Variants in MAPK9 observed in about 807,000 individuals in gnomAD.
MAPK9 encodes mitogen-activated protein kinase 9.
MAPK9 carries 30 observed loss-of-function variants against 57.1 expected under a neutral mutation model. That is an observed-to-expected ratio of 0.53 (90% CI 0.39 to 0.71). The LOEUF is 0.71. Among genes scored for constraint, MAPK9 ranks in the 30% least tolerant of loss-of-function variants. The pLI is 0.00. For synonymous variants in MAPK9, 155 were observed against 177.0 expected (o/e 0.88, Z 0.99); for missense variants, 362 against 521.0 (o/e 0.69, Z 2.97).
chr5:180,269,242 A>G, intron 3 of MAPK9, 38 bp downstream of exon 3: 1 of 1,595,306 alleles, frequency 6.3e-7, no homozygotes, highest in Non-Finnish European at 8.6e-7. Context: ...ATTATTGACA[A>G]TATGGAAGCA....
intron 4 of MAPK9, 103 bp downstream of exon 4, chr5:180,264,678 T>G (rs186152449): frequency 4.9e-4 from 541 of 1,106,236 alleles, no homozygotes; most frequent in Non-Finnish European, 6.0e-4. Context: ...TGTCACAAAA[T>G]GTATTGCCAC....
intron 2 of MAPK9, among the ~76,000 whole-genome samples, chr5:180,278,038 C>A (rs1761980244): frequency 6.6e-6 from 1 of 152,170 alleles, no homozygotes; most frequent in African/African-American, 2.4e-5. Context: ...GAGATAAATA[C>A]AATTAAATGA....
chr5:180,261,889 G>T, intron 4 of MAPK9, 67 bp from the exon 5 acceptor site: 1 of 1,380,800 alleles, frequency 7.2e-7, no homozygotes. Context: ...TAAATTTCAT[G>T]AAACTGTAAC....
chr5:180,279,712 A>G (rs2127620704), intron 2 of MAPK9: 1 of 378,644 alleles, frequency 2.6e-6, no homozygotes, highest in East Asian at 7.4e-5. Flanking sequence ...AAAGAAAAAA[A>G]AAAGTTCTGC....
chr5:180,276,130 C>T lies in MAPK9; in HGVS notation c.122+4310G>A, dbSNP rs1028220340. Among the ~76,000 whole-genome samples, 3 of 152,188 alleles carry T rather than the reference C, an allele frequency of 2.0e-5. 1 individual carries two copies. The East Asian group carries it at 5.8e-4, about 29-fold the overall frequency. The stretch of plus-strand genomic sequence containing the variant: ...CTTCTGAATCACAGCCATCCTGTGC[C>T]TCAAACCATGTCTCCTTTATCACAG... On this transcript the variant is annotated intron_variant, in intron 2 of 11. Coordinates refer to ENST00000452135, the MANE Select transcript of MAPK9 (RefSeq NM_002752.5).
intron 8 of MAPK9, 62 bp downstream of exon 8, chr5:180,242,511 G>A (rs1387602893): frequency 1.4e-6 from 2 of 1,451,852 alleles, no homozygotes; most frequent in Admixed American, 3.9e-5. Flanking sequence ...ATACAAACAT[G>A]AAAGAGTGAA....
intron 2 of MAPK9, among the ~76,000 whole-genome samples, chr5:180,276,386 C>G (rs1174014863): frequency 6.6e-6 from 1 of 152,100 alleles, no homozygotes; most frequent in Admixed American, 6.5e-5. Flanking sequence ...TTTCGTAAAG[C>G]AAATAATCTT....
chr5:180,254,890 T>A (rs35615294), intron 5 of MAPK9, among the ~76,000 whole-genome samples: 2 of 152,118 alleles, frequency 1.3e-5, no homozygotes, highest in African/African-American at 4.8e-5. Flanking sequence ...AAAAATTAGC[T>A]GGGCGTGGTG....
At chr5:180,256,890 A>C (rs890527575) in intron 5 of MAPK9, among the ~76,000 whole-genome samples, 5 of 152,206 alleles carry the variant, frequency 3.3e-5, no homozygotes, top group African/African-American at 1.2e-4. Flanking sequence ...AAGACTAATA[A>C]TCTGGGAAAT....
chr5:180,251,343 A>G (rs950564700), intron 5 of MAPK9, among the ~76,000 whole-genome samples: 4 of 152,236 alleles, frequency 2.6e-5, no homozygotes, highest in African/African-American at 9.6e-5. Flanking sequence ...GGACAGACGC[A>G]GCAGTGGAAC....
chr5:180,291,045 G>A (rs1281924695), intron 1 of MAPK9, among the ~76,000 whole-genome samples: 2 of 152,196 alleles, frequency 1.3e-5, no homozygotes, highest in East Asian at 3.9e-4. Flanking sequence ...CACCCAAAAC[G>A]AGACATCTGA....
intron 5 of MAPK9, among the ~76,000 whole-genome samples, chr5:180,253,210 C>G (rs2127587717): frequency 6.6e-6 from 1 of 152,332 alleles, no homozygotes; most frequent in South Asian, 2.1e-4. Context: ...TGGACCAGGC[C>G]TCTGAGGGGC....
intron 3 of MAPK9, among the ~76,000 whole-genome samples, chr5:180,266,600 G>A (rs1345713264): frequency 6.6e-6 from 1 of 151,802 alleles, no homozygotes; most frequent in Admixed American, 6.6e-5. Context: ...TTACAGGTGT[G>A]AGCCACAGCG....
rs1757015960 is a variant in MAPK9 at position 180,234,124 on chromosome 5, C to T, written c.*2260G>A. The T allele has an allele frequency of 6.6e-6, 1 of 152,158 alleles. No homozygotes were observed. The highest frequency in any genetic ancestry group is 2.4e-5 in the African/African-American group (1 of 41,432). The allele number at this position is 152,158 out of a possible 1,614,324, so 9.4% of individuals were successfully genotyped here. A position where few individuals can be genotyped will look rare whatever the true frequency, so the allele number is the denominator to read the frequency against. On this transcript the variant is annotated 3_prime_UTR_variant, in exon 12 of 12. Transcript: ENST00000452135. ...AAATTCCAGGATAATAGTAAATTAC[C>T]TGGTTTATAAAAATACATGTCCAAA... is the stretch of plus-strand genomic sequence containing the variant.
intron 5 of MAPK9, among the ~76,000 whole-genome samples, chr5:180,256,435 C>T (rs1759291496): frequency 6.6e-6 from 1 of 152,066 alleles, no homozygotes; most frequent in Non-Finnish European, 1.5e-5. Context: ...GAGTTTCCCC[C>T]TTTGCTTTAT....
chr5:180,290,304 C>T (rs992434746), intron 1 of MAPK9, among the ~76,000 whole-genome samples: 5 of 152,216 alleles, frequency 3.3e-5, no homozygotes, highest in Non-Finnish European at 1.5e-5. Context: ...CTCCTTCACA[C>T]CTCTGTGCCT....
intron 2 of MAPK9, chr5:180,280,092 T>C (rs1047722789): frequency 7.2e-5 from 33 of 457,942 alleles, no homozygotes; most frequent in African/African-American, 5.8e-4. Context: ...AAGGTGGCCA[T>C]GATGAAGAAA....
At position 180,259,138 on chromosome 5, in the gene MAPK9, G is replaced by C. The variant is rs144447837; in HGVS notation, c.450+2546C>G. ...AAACCCTTTGACTGTAAGGAATGTG[G>C]TCAAGTCTTTAGACATTTCAGTTCT... is the stretch of plus-strand genomic sequence containing the variant. On this transcript the variant is annotated intron_variant, in intron 5 of 11. Coordinates refer to ENST00000452135, the MANE Select transcript of MAPK9 (RefSeq NM_002752.5). Among the ~76,000 whole-genome samples the C allele has an allele frequency of 2.6e-3, 395 of 152,294 alleles. 3 individuals carry two copies. The highest frequency in any genetic ancestry group is 9.3e-3 in the African/African-American group (385 of 41,550).
intron 1 of MAPK9, among the ~76,000 whole-genome samples, chr5:180,290,351 C>T (rs1196400139): frequency 6.6e-6 from 1 of 152,166 alleles, no homozygotes; most frequent in Non-Finnish European, 1.5e-5. Context: ...CCCTCAAGGC[C>T]CCCCAGCACC....
Sources: allele counts gnomAD v4.1 joint callset (sites outside exome capture counted in the v4.1 genomes callset), GRCh38; gene constraint gnomAD v4.1.1; transcripts MANE v1.5; gene names NCBI Gene and HGNC (gene_info 2026-07-23, HGNC 2026-07-21).